RAB3B: variants seen among roughly 807,000 people sequenced by gnomAD.
RAB3B encodes ras-related protein Rab-3B.
Under a neutral mutation model 20.5 loss-of-function variants are expected in RAB3B, and 11 were observed. The ratio of observed to expected loss-of-function variants is 0.54; its 90% CI spans 0.34 to 0.89. The LOEUF is 0.89. RAB3B is among the 40% of genes least tolerant of loss of function. The probability of loss-of-function intolerance (pLI) is 0.02; values close to 1 mark genes in which losing one functional copy is unlikely to be tolerated. For missense variants in RAB3B, 225 were observed against 280.9 expected (o/e 0.80, Z 1.42); for synonymous variants, 99 against 106.3 (o/e 0.93, Z 0.42).
intron 4 of RAB3B, among the ~76,000 whole-genome samples, chr1:51,927,661 G>A (rs1477913573): frequency 6.6e-6 from 1 of 152,194 alleles, no homozygotes; most frequent in African/African-American, 2.4e-5. Flanking sequence ...GCTGGGCATG[G>A]TGGTGCATGC....
intron 2 of RAB3B, among the ~76,000 whole-genome samples, chr1:51,976,414 G>A (rs1685009836): frequency 6.6e-6 from 1 of 152,068 alleles, no homozygotes; most frequent in Admixed American, 6.6e-5. Context: ...TTTGTTATAC[G>A]ACAGTAGATA....
intron 2 of RAB3B, among the ~76,000 whole-genome samples, chr1:51,946,229 G>GT (rs1684562338): frequency 6.6e-6 from 1 of 152,112 alleles, no homozygotes; most frequent in Non-Finnish European, 1.5e-5. Flanking sequence ...TGCTATTACT[G>GT]TTGATATTGT....
chr1:51,962,455 A>G (rs148913052), intron 2 of RAB3B, among the ~76,000 whole-genome samples: 32 of 152,328 alleles, frequency 2.1e-4, no homozygotes, highest in African/African-American at 6.0e-4. Flanking sequence ...GCAGGGATCA[A>G]AAGGAAGCAG....
chr1:51,989,208 T>TTGTGTGTCTGTGTGTG (rs1553232395), intron 1 of RAB3B, among the ~76,000 whole-genome samples: 6 of 99,822 alleles, frequency 6.0e-5, no homozygotes, highest in African/African-American at 2.6e-4. Context: ...CCATCTTGTT[T>TTGTGTGTCTGTGTGTG]TGTGTGTGTG....
At chr1:51,936,203 A>T (rs1684401308) in intron 3 of RAB3B, among the ~76,000 whole-genome samples, 1 of 152,150 alleles carries the variant, frequency 6.6e-6, no homozygotes, top group African/African-American at 2.4e-5. Flanking sequence ...ACCTTCCCCC[A>T]TCCTCATCTG....
intron 4 of RAB3B, among the ~76,000 whole-genome samples, chr1:51,926,763 G>C (rs1159128995): frequency 6.6e-6 from 1 of 152,154 alleles, no homozygotes; most frequent in African/African-American, 2.4e-5. Flanking sequence ...CTGAGTTTGA[G>C]TACGGGGCCT....
intron 4 of RAB3B, among the ~76,000 whole-genome samples, chr1:51,930,832 A>T (rs183926072): frequency 1.2e-4 from 18 of 152,266 alleles, no homozygotes; most frequent in African/African-American, 3.6e-4. Flanking sequence ...CCTGGCCAAC[A>T]TGATGAAACC....
At chr1:51,951,211 T>G (rs1040172883) in intron 2 of RAB3B, among the ~76,000 whole-genome samples, 1 of 152,004 alleles carries the variant, frequency 6.6e-6, no homozygotes, top group Non-Finnish European at 1.5e-5. Flanking sequence ...ATGGGTATAC[T>G]GCATGATGCT....
chr1:51,968,144 G>GC (rs1378361998), intron 2 of RAB3B, among the ~76,000 whole-genome samples: 2 of 152,064 alleles, frequency 1.3e-5, no homozygotes, highest in Non-Finnish European at 2.9e-5. Context: ...AATTAAAGAT[G>GC]CCCCCCAGAT....
rs1684090807 is a variant in RAB3B, at chr1:51,916,693, A to G, written c.*3234T>C. 6.6e-6 allele frequency: 1 copy of G among 152,246 alleles called. No homozygotes were observed. The allele number at this position is 152,246 out of a possible 1,614,324, so 9.4% of individuals were successfully genotyped here. A position where few individuals can be genotyped will look rare whatever the true frequency, so the allele number is the denominator to read the frequency against. ...GAGCCTGATAAGTGTTGCCTGGCAG[A>G]GGCAGATACAGGGAAAGCCAGCACT... is the stretch of plus-strand genomic sequence containing the variant. On this transcript the variant is annotated 3_prime_UTR_variant, in exon 5 of 5. Transcript: ENST00000371655.
rs1557956256 is a variant in RAB3B at position 51,908,095 on chromosome 1, ATCT to A, written c.*11829_*11831del. On this transcript the variant is annotated 3_prime_UTR_variant, in exon 5 of 5. Coordinates refer to ENST00000371655, the MANE Select transcript of RAB3B (RefSeq NM_002867.4). ...AACACCATAGATATTTGTAAATGAG[ATCT>A]TCTCTTTTGCTACTGTGTATATATA... is the stretch of plus-strand genomic sequence containing the variant. The A allele has an allele frequency of 6.6e-6, 1 of 152,194 alleles. No homozygotes were observed. The highest frequency in any genetic ancestry group is 1.9e-4 in the East Asian group (1 of 5,192). 9.4% of individuals were successfully genotyped at this position (152,194 alleles called of 1,614,324 possible). A position where few individuals can be genotyped will look rare whatever the true frequency, so the allele number is the denominator to read the frequency against.
At chr1:51,928,071 C>T (rs1038333270) in intron 4 of RAB3B, among the ~76,000 whole-genome samples, 2 of 152,126 alleles carry the variant, frequency 1.3e-5, no homozygotes, top group African/African-American at 4.8e-5. Context: ...GTCCCAGGAA[C>T]TTTGAGGATA....
chr1:51,947,258 T>G (rs1331435900), intron 2 of RAB3B, among the ~76,000 whole-genome samples: 2 of 152,090 alleles, frequency 1.3e-5, no homozygotes, highest in African/African-American at 4.8e-5. Context: ...TAGCTGGGCA[T>G]GGTGGCATGC....
intron 2 of RAB3B, among the ~76,000 whole-genome samples, chr1:51,965,294 T>C (rs1684834968): frequency 6.6e-6 from 1 of 152,040 alleles, no homozygotes; most frequent in Non-Finnish European, 1.5e-5. Context: ...GTTCTGGAAT[T>C]AGTGATGATA....
In RAB3B at chr1:51,916,589, C is replaced by T. The variant is rs1487649492; in HGVS notation, c.*3338G>A. On this transcript the variant is annotated 3_prime_UTR_variant, in exon 5 of 5. Transcript: ENST00000371655. ...TATACCCATGGTCAGAAAAGTTAATCAAGTCACTCTTCACAAATGCCCCAT... is the reference window on the plus strand; with the variant it reads ...TATACCCATGGTCAGAAAAGTTAATTAAGTCACTCTTCACAAATGCCCCAT... The T allele has an allele frequency of 1.3e-5, 2 of 152,230 alleles. No homozygotes were observed. Among genetic ancestry groups the T allele is most frequent in the African/African-American group, 4.8e-5 (2 of 41,456 alleles). The allele number at this position is 152,230 out of a possible 1,614,324, so 9.4% of individuals were successfully genotyped here.
chr1:51,943,828 G>A (rs534324129), intron 2 of RAB3B, among the ~76,000 whole-genome samples: 5 of 152,186 alleles, frequency 3.3e-5, no homozygotes, highest in African/African-American at 7.2e-5. Flanking sequence ...TGAAGCTAGC[G>A]GAGGTTGGTT....
chr1:51,924,035 CTA>C (rs1353561993), intron 4 of RAB3B, among the ~76,000 whole-genome samples: 2 of 152,134 alleles, frequency 1.3e-5, no homozygotes, highest in African/African-American at 4.8e-5. Flanking sequence ...CAAACAGGAA[CTA>C]TGTCATTCTG....
intron 2 of RAB3B, among the ~76,000 whole-genome samples, chr1:51,976,251 G>A (rs1002445723): frequency 2.6e-5 from 4 of 151,842 alleles, no homozygotes; most frequent in African/African-American, 9.7e-5. Flanking sequence ...CTGCAGCCTC[G>A]ACCTCCTGGG....
Position 51,919,539 on chromosome 1 carries a change from C to T in RAB3B, c.*388G>A, listed in dbSNP as rs1035997921. On this transcript the variant is annotated 3_prime_UTR_variant, in exon 5 of 5. Coordinates refer to ENST00000371655, the MANE Select transcript of RAB3B (RefSeq NM_002867.4). ...TCTTTAACAGGATTAGCTATGCAGGCGAGCCTCACTTTACGCAATTGGCAT... is the reference window on the plus strand; with the variant it reads ...TCTTTAACAGGATTAGCTATGCAGGTGAGCCTCACTTTACGCAATTGGCAT... 8 of 164,898 alleles carry T rather than the reference C, an allele frequency of 4.9e-5. No homozygotes were observed. The highest frequency in any genetic ancestry group is 2.5e-4 in the Admixed American group (4 of 15,962). The allele number at this position is 164,898 out of a possible 1,614,324, so 10.2% of individuals were successfully genotyped here.
Sources: allele counts gnomAD v4.1 joint callset (sites outside exome capture counted in the v4.1 genomes callset), GRCh38; gene constraint gnomAD v4.1.1; transcripts MANE v1.5; gene names NCBI Gene and HGNC (gene_info 2026-07-23, HGNC 2026-07-21).